Variants in LY6S observed in about 807,000 individuals in gnomAD.
The protein encoded by LY6S is lymphocyte antigen 6 family member S, also known as lymphocyte antigen 6S.
At chr8:143,065,521 C>A in the LY6S span, among the ~76,000 whole-genome samples, 1 of 152,088 alleles carries the variant, frequency 6.6e-6, no homozygotes, top group Non-Finnish European at 1.5e-5. Context: ...TTTCTCAGAC[C>A]CTCAAACAAA....
chr8:143,046,423 A>G, the LY6S span, among the ~76,000 whole-genome samples: 1 of 151,936 alleles, frequency 6.6e-6, no homozygotes, highest in African/African-American at 2.4e-5. Context: ...TAAAACTACA[A>G]AAAAATTAGC....
At chr8:143,069,930 G>C in the LY6S span, among the ~76,000 whole-genome samples, 1 of 152,148 alleles carries the variant, frequency 6.6e-6, no homozygotes, top group African/African-American at 2.4e-5. Flanking sequence ...CCAGCGTCGT[G>C]GGAAGCCCCA....
the LY6S span, among the ~76,000 whole-genome samples, chr8:143,061,807 G>A: frequency 2.0e-5 from 3 of 152,216 alleles, no homozygotes; most frequent in Non-Finnish European, 4.4e-5. Flanking sequence ...GCCTCTCAAA[G>A]TGCTGGGATT....
chr8:143,044,866 A>G, the LY6S span: 14 of 1,294,250 alleles, frequency 1.1e-5, no homozygotes, highest in Non-Finnish European at 1.4e-5. Flanking sequence ...CCCTGGTGAG[A>G]GTCCCATGCC....
At chr8:143,061,243 T>C in the LY6S span, among the ~76,000 whole-genome samples, 1 of 145,308 alleles carries the variant, frequency 6.9e-6, no homozygotes, top group Non-Finnish European at 1.5e-5. Context: ...CTGGGCAACA[T>C]AGCAAACCCC....
chr8:143,043,342 C>T, the LY6S span: 17 of 973,710 alleles, frequency 1.7e-5, no homozygotes, highest in Middle Eastern at 2.5e-4. Flanking sequence ...ACTTTACCTG[C>T]GAGAGAGCGG....
the LY6S span, among the ~76,000 whole-genome samples, chr8:143,043,752 C>G: frequency 6.6e-6 from 1 of 152,084 alleles, no homozygotes; most frequent in South Asian, 2.1e-4. Flanking sequence ...CTCTGCTCAC[C>G]ACAACCTCCA....
the LY6S span, chr8:143,044,553 CT>C: frequency 1.9e-6 from 1 of 537,936 alleles, no homozygotes; most frequent in Non-Finnish European, 2.8e-6. Context: ...CACCCCCCAC[CT>C]CAGGAGCCAC....
At chr8:143,059,069 T>C in the LY6S span, among the ~76,000 whole-genome samples, 1 of 152,382 alleles carries the variant, frequency 6.6e-6, no homozygotes, top group East Asian at 1.9e-4. Flanking sequence ...TCTTGTTTTA[T>C]ATTTTATTAT....
At chr8:143,049,401 G>A in the LY6S span, 331 of 419,482 alleles carry the variant, frequency 7.9e-4, 3 homozygotes, top group Admixed American at 7.6e-3. Flanking sequence ...GAGCTTCATC[G>A]CCATCCCGCA....
chr8:143,057,451 T>C, the LY6S span: 4 of 574,504 alleles, frequency 7.0e-6, no homozygotes, highest in Non-Finnish European at 1.3e-5. Context: ...GGTTTCACCA[T>C]ATTGGCCAGG....
the LY6S span, chr8:143,044,673 C>T: frequency 7.3e-7 from 1 of 1,367,052 alleles, no homozygotes; most frequent in Non-Finnish European, 9.8e-7. Flanking sequence ...CCTGGCACCC[C>T]AGGGACTCAC....
At chr8:143,063,702 C>A in the LY6S span, among the ~76,000 whole-genome samples, 31 of 152,276 alleles carry the variant, frequency 2.0e-4, no homozygotes, top group African/African-American at 7.5e-4. Context: ...TCTTCAGTAG[C>A]GGGAAGTACA....
At chr8:143,064,358 T>C in the LY6S span, among the ~76,000 whole-genome samples, 1 of 152,224 alleles carries the variant, frequency 6.6e-6, no homozygotes, top group Non-Finnish European at 1.5e-5. Flanking sequence ...TATTTCACAG[T>C]TTGTTGGCAT....
At chr8:143,070,736 C>A in the LY6S span, among the ~76,000 whole-genome samples, 16 of 151,864 alleles carry the variant, frequency 1.1e-4, no homozygotes, top group African/African-American at 3.9e-4. Flanking sequence ...CCACTCGCCT[C>A]GGCCTCCCAA....
chr8:143,075,004 T>C, the LY6S span, among the ~76,000 whole-genome samples: 1 of 151,712 alleles, frequency 6.6e-6, no homozygotes, highest in Non-Finnish European at 1.5e-5. This position sits in a 1 kb window ranked among gnomAD's most constrained non-coding sequence, Gnocchi z 4.1. Flanking sequence ...ATTGTTGAAA[T>C]AGAAAGGTTG....
chr8:143,064,694 A>G, the LY6S span, among the ~76,000 whole-genome samples: 27 of 152,340 alleles, frequency 1.8e-4, no homozygotes, highest in Admixed American at 5.2e-4. Flanking sequence ...CTTCTTTTAA[A>G]TCCAGTACTG....
chr8:143,048,428 G>A, the LY6S span, among the ~76,000 whole-genome samples: 3 of 150,838 alleles, frequency 2.0e-5, no homozygotes, highest in Non-Finnish European at 1.5e-5. Flanking sequence ...CGTGGCCATT[G>A]TGATTTATTG....
chr8:143,056,719 G>A, the LY6S span, among the ~76,000 whole-genome samples: 1 of 151,992 alleles, frequency 6.6e-6, no homozygotes, highest in South Asian at 2.1e-4. Context: ...AACTTTTCCA[G>A]AAAAATATGG....
Sources: allele counts gnomAD v4.1 joint callset (sites outside exome capture counted in the v4.1 genomes callset), GRCh38; gene constraint gnomAD v4.1.1; non-coding constraint Gnocchi (gnomAD v3.1); transcripts MANE v1.5; gene names NCBI Gene and HGNC (gene_info 2026-07-23, HGNC 2026-07-21).